Variants in CTBP2 observed in about 807,000 individuals in gnomAD.
The protein encoded by CTBP2 is C-terminal binding protein 2, also known as C-terminal-binding protein 2.
A neutral mutation model predicts 80.3 loss-of-function variants in CTBP2; 30 were observed. The ratio of observed to expected loss-of-function variants is 0.37; its 90% CI spans 0.28 to 0.51. CTBP2 has a LOEUF of 0.51. CTBP2 is among the 20% of genes least tolerant of loss of function. The probability of loss-of-function intolerance (pLI) is 0.93; values close to 1 mark genes in which losing one functional copy is unlikely to be tolerated. For missense variants in CTBP2, 1,212 were observed against 1,375.3 expected (o/e 0.88, Z 1.88); for synonymous variants, 594 against 587.4 (o/e 1.01, Z -0.16).
chr10:125,056,253 A>T (rs1963914120), intron 2 of CTBP2, among the ~76,000 whole-genome samples: 1 of 152,160 alleles, frequency 6.6e-6, no homozygotes, highest in South Asian at 2.1e-4. Flanking sequence ...AGAATGCTCC[A>T]TGTGCGATGA....
chr10:125,007,691 G>A (rs752676906), intron 1 of CTBP2, among the ~76,000 whole-genome samples: 1 of 152,204 alleles, frequency 6.6e-6, no homozygotes, highest in Non-Finnish European at 1.5e-5. Flanking sequence ...AGAAGGAACT[G>A]GATTGATCCT....
Position 125,026,411 on chromosome 10 carries a change from C to T in CTBP2, c.1349G>A (p.Arg450His), listed in dbSNP as rs150620806. Residue 450 changes from arginine (R) to histidine (H), a missense_variant, in exon 1 of 9, where the codon CGT becomes CAT. Physicochemically the swap from Arg to His is conservative, Grantham distance 29. Coordinates refer to ENST00000309035, the MANE Select transcript of CTBP2 (RefSeq NM_022802.3). ...CTGCAGGGGGTACGTGGGGCTCAGACGCGCTGTCAGGGCGCAAGGGGTGGG... is the reference window on the plus strand; with the variant it reads ...CTGCAGGGGGTACGTGGGGCTCAGATGCGCTGTCAGGGCGCAAGGGGTGGG... The T allele has an allele frequency of 2.9e-5, 47 of 1,607,556 alleles. No individual in the cohort carries two copies. Among genetic ancestry groups the T allele is most frequent in the East Asian group, 2.7e-4 (12 of 44,656 alleles).
At chr10:125,106,672 G>A (rs973561883) in intron 2 of CTBP2, among the ~76,000 whole-genome samples, 8 of 152,214 alleles carry the variant, frequency 5.3e-5, no homozygotes, top group African/African-American at 1.7e-4. Context: ...GCCCTGCTCG[G>A]AGGTACCCCT....
chr10:125,032,798 T>A (rs1336863484), upstream of CTBP2: 2 of 154,802 alleles, frequency 1.3e-5, no homozygotes, highest in Non-Finnish European at 2.9e-5. Context: ...GACAGAGACA[T>A]GGACACAGTC....
chr10:125,020,987 C>G (rs1404133244), intron 1 of CTBP2, among the ~76,000 whole-genome samples: 2 of 152,224 alleles, frequency 1.3e-5, no homozygotes, highest in African/African-American at 4.8e-5. Context: ...ACAGCAGGGC[C>G]TTCTTCAGCA....
chr10:125,141,547 G>A (rs895046537), intron 1 of CTBP2, among the ~76,000 whole-genome samples: 8 of 152,092 alleles, frequency 5.3e-5, no homozygotes, highest in Admixed American at 3.3e-4. Flanking sequence ...ACCTGAGGGC[G>A]CTCAACCACC....
At chr10:125,051,615 G>A (rs983644023) in intron 2 of CTBP2, among the ~76,000 whole-genome samples, 2 of 151,528 alleles carry the variant, frequency 1.3e-5, no homozygotes, top group Non-Finnish European at 2.9e-5. Context: ...ACACTAGCCT[G>A]GGCAACAGAG....
chr10:125,076,704 C>T (rs1486650753), intron 2 of CTBP2, among the ~76,000 whole-genome samples: 1 of 152,180 alleles, frequency 6.6e-6, no homozygotes, highest in East Asian at 1.9e-4. Context: ...GTCAGGTCGG[C>T]GTTGTTCTGA....
intron 2 of CTBP2, among the ~76,000 whole-genome samples, chr10:125,047,576 A>G (rs1961585716): frequency 6.6e-6 from 1 of 152,272 alleles, no homozygotes; most frequent in Non-Finnish European, 1.5e-5. Flanking sequence ...GAGGACTTGC[A>G]AAGGCAAGAG....
At chr10:125,013,775 A>G (rs1353506778) in intron 1 of CTBP2, among the ~76,000 whole-genome samples, 1 of 152,162 alleles carries the variant, frequency 6.6e-6, no homozygotes, top group African/African-American at 2.4e-5. Flanking sequence ...GAGACCAAGC[A>G]TGCAACCCCA....
intron 1 of CTBP2, among the ~76,000 whole-genome samples, 171 bp from the exon 4 acceptor site, chr10:125,003,663 A>T (rs555345114): frequency 6.6e-6 from 1 of 152,128 alleles, no homozygotes; most frequent in Non-Finnish European, 1.5e-5. Context: ...ACTGACACGA[A>T]GAGGAGCCAC....
chr10:125,069,997 T>C (rs189540404), intron 2 of CTBP2, among the ~76,000 whole-genome samples: 108 of 150,348 alleles, frequency 7.2e-4, no homozygotes, highest in Non-Finnish European at 1.2e-3. Context: ...GAGGCCTAGC[T>C]GGGCCAATCA....
chr10:125,091,758 G>GA (rs1848795433), intron 2 of CTBP2, among the ~76,000 whole-genome samples: 1 of 152,146 alleles, frequency 6.6e-6, no homozygotes, highest in South Asian at 2.1e-4. Flanking sequence ...GACAGAGTGA[G>GA]ACCCTGTCTT....
chr10:125,078,251 G>C (rs1277789692), intron 2 of CTBP2, among the ~76,000 whole-genome samples: 9 of 141,862 alleles, frequency 6.3e-5, no homozygotes, highest in Non-Finnish European at 1.0e-4. Flanking sequence ...CTGCACTCCA[G>C]CCTGGGCGAC....
chr10:125,044,351 C>T (rs796643109), intron 2 of CTBP2, among the ~76,000 whole-genome samples: 56 of 105,084 alleles, frequency 5.3e-4, no homozygotes, highest in African/African-American at 1.8e-3. Flanking sequence ...GCTGGCGGCA[C>T]ATCTGCAGAT....
chr10:125,129,605 A>G (rs1234191285), intron 1 of CTBP2, among the ~76,000 whole-genome samples: 1 of 152,090 alleles, frequency 6.6e-6, no homozygotes, highest in African/African-American at 2.4e-5. Flanking sequence ...TTCATTGTAG[A>G]TGATCAGACC....
intron 3 of CTBP2, 127 bp downstream of exon 3, chr10:125,038,870 T>G: frequency 1.1e-6 from 1 of 894,382 alleles, no homozygotes; most frequent in Admixed American, 2.3e-5. Context: ...GCCAATGGTA[T>G]GCAGTGTTGG....
intron 8 of CTBP2, among the ~76,000 whole-genome samples, chr10:124,990,906 C>T (rs552390083): frequency 1.3e-5 from 2 of 152,364 alleles, no homozygotes; most frequent in African/African-American, 2.4e-5. Flanking sequence ...CTCAGACTTC[C>T]AGCCTCCAGA....
chr10:125,072,634 G>GAAGA (rs1845669681), intron 2 of CTBP2, among the ~76,000 whole-genome samples: 1 of 100,144 alleles, frequency 1.0e-5, no homozygotes, highest in African/African-American at 3.9e-5. Context: ...AAAAAGAAAA[G>GAAGA]AAAAAAAAAA....
Sources: allele counts gnomAD v4.1 joint callset (sites outside exome capture counted in the v4.1 genomes callset), GRCh38; gene constraint gnomAD v4.1.1; transcripts MANE v1.5; gene names NCBI Gene and HGNC (gene_info 2026-07-23, HGNC 2026-07-21).